The following SLC3A1 variants were observed in gnomAD, a reference collection of about 807,000 sequenced individuals.
The protein encoded by SLC3A1 is amino acid transporter heavy chain SLC3A1.
SLC3A1 carries 78 observed loss-of-function variants against 60.3 expected under a neutral mutation model. That is an observed-to-expected ratio of 1.29 (90% CI 1.08 to 1.56). The LOEUF (loss-of-function observed/expected upper bound fraction) is 1.56, where lower values mean the gene tolerates loss of function less well. Among genes scored for constraint, SLC3A1 ranks in the 40% most tolerant of loss-of-function variants. The probability of loss-of-function intolerance (pLI) is 0.00; values close to 1 mark genes in which losing one functional copy is unlikely to be tolerated. For synonymous variants in SLC3A1, 392 were observed against 307.9 expected, an observed-to-expected ratio of 1.27 and a Z score of -2.86; for missense variants, 1,172 against 858.9, an observed-to-expected ratio of 1.36 and a Z score of -4.56.
In SLC3A1 at chr2:44,312,628, A is replaced by C; in HGVS notation, c.1375A>C (p.Asn459His). The C allele has an allele frequency of 6.2e-7, 1 of 1,613,970 alleles. No homozygotes were observed. The highest frequency in any genetic ancestry group is 8.5e-7 in the Non-Finnish European group (1 of 1,179,864). Residue 459 changes from asparagine to histidine, a missense_variant, in exon 8 of 10, where the codon AAT becomes CAT. Transcript: ENST00000260649. Reference sequence around the variant, plus strand: ...TTCACGGCTGACTTCGCGTTTGGGGAATCAGTATGTCAACGTGATGAACAT... The same window carrying C: ...TTCACGGCTGACTTCGCGTTTGGGGCATCAGTATGTCAACGTGATGAACAT... ...DSSRLTSRLG[N>H]QYVNVMNMLL...
intron 5 of SLC3A1, among the ~76,000 whole-genome samples, chr2:44,300,791 G>A (rs1296288367): frequency 6.6e-6 from 1 of 152,150 alleles, no homozygotes; most frequent in Non-Finnish European, 1.5e-5. Flanking sequence ...TAAAATGGGT[G>A]ACAGTTTATT....
intron 4 of SLC3A1, among the ~76,000 whole-genome samples, chr2:44,299,101 C>G (rs1474700053): frequency 6.7e-6 from 1 of 148,274 alleles, no homozygotes; most frequent in African/African-American, 2.5e-5. Flanking sequence ...TGCAATGGCC[C>G]AATCTCGGCT....
intron 8 of SLC3A1, among the ~76,000 whole-genome samples, chr2:44,313,474 T>C (rs1001644326): frequency 6.6e-5 from 10 of 152,220 alleles, no homozygotes; most frequent in African/African-American, 2.4e-4. Context: ...CACTTGTACA[T>C]GGCAGTGTTC....
rs1485684336 is a variant in SLC3A1 at position 44,282,687 on chromosome 2, G to A, written c.765+1146G>A. 3.9e-5 allele frequency among the ~76,000 whole-genome samples: 6 copies of A among 152,016 alleles called. No individual in the cohort carries two copies. In the East Asian group the frequency reaches 1.2e-3, roughly 29 times the overall value. ...CTTGCTCTTTCTCCCAGGCTGGAGT[G>A]CAGTGGCTTGATCATGGCTTACTGC... On this transcript the variant is annotated intron_variant, in intron 3 of 9. Transcript: ENST00000260649.
chr2:44,299,560 C>T (rs1037936291), intron 4 of SLC3A1, among the ~76,000 whole-genome samples: 3 of 152,082 alleles, frequency 2.0e-5, no homozygotes, highest in African/African-American at 7.2e-5. Context: ...AACTATTGAA[C>T]AATGTGTTAT....
chr2:44,318,029 A>C, intron 9 of SLC3A1: 1 of 397,618 alleles, frequency 2.5e-6, no homozygotes, highest in Non-Finnish European at 5.0e-6. Flanking sequence ...TGACCTAATA[A>C]TTCCATTCCT....
intron 7 of SLC3A1, 90 bp from the exon 8 acceptor site, chr2:44,312,496 T>C: frequency 7.1e-7 from 1 of 1,404,588 alleles, no homozygotes; most frequent in East Asian, 2.3e-5. Context: ...TCTACTTTGT[T>C]TTGCTACGTT....
At position 44,301,134 on chromosome 2, in the gene SLC3A1, C is replaced by T; in HGVS notation, c.1136+7C>T. 6.2e-7 allele frequency: 1 copy of T among 1,614,140 alleles called. No individual in the cohort carries two copies. Among genetic ancestry groups the T allele is most frequent in the South Asian group, 1.1e-5 (1 of 91,082 alleles). On this transcript the variant is annotated splice_region_variant and intron_variant, in intron 6 of 9. Coordinates refer to ENST00000260649, the MANE Select transcript of SLC3A1 (RefSeq NM_000341.4). The stretch of plus-strand genomic sequence containing the variant: ...CGGAGCCCGGCAGATACAGGTTGAC[C>T]ACGGCATATGCTCTCATTTCTTCCC...
intron 9 of SLC3A1, chr2:44,318,349 C>G: frequency 5.2e-6 from 1 of 190,570 alleles, no homozygotes; most frequent in Non-Finnish European, 1.1e-5. Flanking sequence ...GCCTTGCCTC[C>G]CAAAGTGCTA....
At chr2:44,284,545 A>G (rs1671572541) in intron 3 of SLC3A1, among the ~76,000 whole-genome samples, 1 of 152,090 alleles carries the variant, frequency 6.6e-6, no homozygotes, top group African/African-American at 2.4e-5. Flanking sequence ...ATATTGCCCA[A>G]CTTTGTAATT....
At chr2:44,312,540 G>A in intron 7 of SLC3A1, 46 bp from the exon 8 acceptor site, 1 of 1,600,586 alleles carries the variant, frequency 6.2e-7, no homozygotes, top group Non-Finnish European at 8.6e-7. Context: ...AAATCTTTCA[G>A]AAAACTGTGT....
chr2:44,314,375 G>A (rs1672374839), intron 9 of SLC3A1: 3 of 320,708 alleles, frequency 9.4e-6, no homozygotes, highest in South Asian at 5.5e-5. Context: ...CCACACTACT[G>A]TTCTGAAGAA....
At chr2:44,305,833 T>G (rs1418544079) in intron 7 of SLC3A1, among the ~76,000 whole-genome samples, 1 of 152,186 alleles carries the variant, frequency 6.6e-6, no homozygotes, top group Non-Finnish European at 1.5e-5. Context: ...GTTTCTGTGG[T>G]CTCATCGTTT....
chr2:44,320,480 T>C lies in SLC3A1; in HGVS notation c.1899T>C (p.Val633=), dbSNP rs1165762189. 1 of 1,614,158 alleles carries C rather than the reference T, an allele frequency of 6.2e-7. No individual in the cohort carries two copies. The highest frequency in any genetic ancestry group is 1.1e-5 in the South Asian group (1 of 91,084). The change falls in exon 10 of 10, where the codon GTT becomes GTC. Residue 633 remains valine (V), a synonymous_variant. Transcript: ENST00000260649. The stretch of plus-strand genomic sequence containing the variant: ...ATTCTGCCGACAAAGGCAGTAAAGT[T>C]GATACAAGTGGCATTTTTCTGGACA... ...STNSADKGSK[V]DTSGIFLDKG... is the part of the protein sequence containing the mutation.
intron 4 of SLC3A1, among the ~76,000 whole-genome samples, chr2:44,290,484 T>C (rs1341380506): frequency 6.6e-6 from 1 of 152,196 alleles, no homozygotes; most frequent in Non-Finnish European, 1.5e-5. Flanking sequence ...GTGGTTTTGA[T>C]AGGGATTGCA....
At chr2:44,319,199 GAAC>G (rs1672705762) in intron 9 of SLC3A1, 1 of 152,558 alleles carries the variant, frequency 6.6e-6, no homozygotes, top group Non-Finnish European at 1.5e-5. Context: ...TACCCCTAAA[GAAC>G]AATAACAACC....
Position 44,321,023 on chromosome 2 carries a change from C to T in SLC3A1, c.*384C>T, listed in dbSNP as rs1366154044. 12 of 385,624 alleles carry T rather than the reference C, an allele frequency of 3.1e-5. No individual in the cohort carries two copies. The highest frequency in any genetic ancestry group is 5.7e-5 in the Non-Finnish European group (12 of 210,626). 23.9% of individuals were successfully genotyped at this position (385,624 alleles called of 1,614,324 possible). On this transcript the variant is annotated 3_prime_UTR_variant, in exon 10 of 10. Coordinates refer to ENST00000260649, the MANE Select transcript of SLC3A1 (RefSeq NM_000341.4). ...CTAAAAGCATTTGCTAGCAAAGAGGCAGGACACTAATTTGTAAACTGCTCA... is the reference window on the plus strand; with the variant it reads ...CTAAAAGCATTTGCTAGCAAAGAGGTAGGACACTAATTTGTAAACTGCTCA...
chr2:44,316,512 C>T (rs998741914), intron 9 of SLC3A1: 1 of 152,098 alleles, frequency 6.6e-6, no homozygotes. Context: ...TACAGAATTC[C>T]GTACATGCAG....
chr2:44,296,568 G>A (rs550268108), intron 4 of SLC3A1, among the ~76,000 whole-genome samples: 2 of 152,278 alleles, frequency 1.3e-5, no homozygotes, highest in East Asian at 3.9e-4. Flanking sequence ...CTTGCTCTTA[G>A]GCATAAAAAA....
Sources: gnomAD v4.1 joint callset for allele counts (sites outside exome capture counted in the v4.1 genomes callset) on GRCh38, gnomAD v4.1.1 for gene constraint, MANE v1.5 for transcripts, NCBI Gene and HGNC (gene_info 2026-07-23, HGNC 2026-07-21) for gene names.